CDK14: variants seen among roughly 807,000 people sequenced by gnomAD.
CDK14 encodes the protein cyclin dependent kinase 14.
Under a neutral mutation model 60.7 loss-of-function variants are expected in CDK14, and 34 were observed. That is an observed-to-expected ratio of 0.56 (90% CI 0.43 to 0.75). CDK14 has a LOEUF of 0.75. CDK14 is among the 30% of genes least tolerant of loss of function. The pLI is 0.00. For missense variants in CDK14, 482 were observed against 564.1 expected (o/e 0.85, Z 1.47); for synonymous variants, 197 against 203.7 (o/e 0.97, Z 0.28).
intron 8 of CDK14, among the ~76,000 whole-genome samples, chr7:90,920,046 G>C (rs1189755657): frequency 1.3e-5 from 2 of 152,190 alleles, no homozygotes; most frequent in African/African-American, 4.8e-5. Flanking sequence ...CAACTGACAA[G>C]TTCCCCCAAT....
chr7:91,044,131 C>T (rs1268146047), intron 10 of CDK14, among the ~76,000 whole-genome samples: 1 of 151,900 alleles, frequency 6.6e-6, no homozygotes, highest in Non-Finnish European at 1.5e-5. Context: ...AACATGTGCC[C>T]AAGGTTGTCA....
intron 2 of CDK14, among the ~76,000 whole-genome samples, chr7:90,620,316 C>T (rs1436242108): frequency 6.6e-6 from 1 of 152,048 alleles, no homozygotes; most frequent in African/African-American, 2.4e-5. Context: ...TTTGAGATTT[C>T]TTTTATTTTT....
intron 14 of CDK14, among the ~76,000 whole-genome samples, chr7:91,172,537 C>T (rs893041790): frequency 6.6e-6 from 1 of 152,202 alleles, no homozygotes; most frequent in Admixed American, 6.5e-5. Context: ...TCTAAGCAGT[C>T]ACTTCCTGAT....
In CDK14 at chr7:91,037,408, T is replaced by TGCATGTGTAGGTGTGCGCGC. The variant is rs544371265; in HGVS notation, c.1042-8480_1042-8479insGGTGTGCGCGCGCATGTGTA. 1.5e-3 allele frequency among the ~76,000 whole-genome samples: 228 copies of TGCATGTGTAGGTGTGCGCGC among 152,284 alleles called. 1 individual carries two copies. The highest frequency in any genetic ancestry group is 5.3e-3 in the African/African-American group (221 of 41,566). On this transcript the variant is annotated intron_variant, in intron 10 of 14. Transcript: ENST00000380050. ...TCTTATAGACATACACGTATGTATG[T>TGCATGTGTAGGTGTGCGCGC]GCATGTGTATGTGTGCGCGCGCATG...
At chr7:90,916,077 A>G (rs1229344694) in intron 7 of CDK14, among the ~76,000 whole-genome samples, 1 of 152,158 alleles carries the variant, frequency 6.6e-6, no homozygotes, top group African/African-American at 2.4e-5. Context: ...CGTTTTTTTA[A>G]AAGGCTTTGA....
chr7:90,882,262 C>CAAAAAAAA (rs142619671), intron 6 of CDK14, among the ~76,000 whole-genome samples: 4 of 116,592 alleles, frequency 3.4e-5, no homozygotes, highest in African/African-American at 9.9e-5. Flanking sequence ...AAATGGAAAG[C>CAAAAAAAA]AAAAAAAAAA....
At chr7:91,164,674 T>C (rs1340492445) in intron 14 of CDK14, among the ~76,000 whole-genome samples, 1 of 152,178 alleles carries the variant, frequency 6.6e-6, no homozygotes, top group East Asian at 1.9e-4. Context: ...GAAATACAAA[T>C]GGAAACTGTC....
intron 5 of CDK14, among the ~76,000 whole-genome samples, chr7:90,801,256 C>G (rs776499758): frequency 2.6e-5 from 4 of 152,204 alleles, no homozygotes; most frequent in Non-Finnish European, 5.9e-5. Flanking sequence ...TAACACTCTT[C>G]TTTGTTTTCT....
chr7:90,885,454 G>A (rs547482717), intron 6 of CDK14, among the ~76,000 whole-genome samples: 1 of 152,224 alleles, frequency 6.6e-6, no homozygotes, highest in East Asian at 1.9e-4. Context: ...CTGTGCAATA[G>A]GAATGCTTTT....
rs1799185742 is a variant in CDK14, at chr7:90,596,399, G to C, written c.-229G>C. ...GCGGCGGCGAGCGCGGCCGCCCCCG[G>C]CACCACGTAAACCGCCCCCGCCCGC... On this transcript the variant is annotated 5_prime_UTR_variant, in exon 1 of 15. Coordinates refer to ENST00000380050, the MANE Select transcript of CDK14 (RefSeq NM_001287135.2). The C allele has an allele frequency of 3.9e-6, 1 of 254,778 alleles. No individual in the cohort carries two copies. The highest frequency in any genetic ancestry group is 7.4e-6 in the Non-Finnish European group (1 of 135,082). 15.8% of individuals were successfully genotyped at this position (254,778 alleles called of 1,614,324 possible).
chr7:91,158,818 T>TG lies in CDK14; in HGVS notation c.*28+40611dup, dbSNP rs1440165419. ...AGATACAGTCAGGTCACAGGTGACATGTAATGCCCTGGCTGTCTAGAGGCA... is the reference window on the plus strand; with the variant it reads ...AGATACAGTCAGGTCACAGGTGACATGGTAATGCCCTGGCTGTCTAGAGGCA... On this transcript the variant is annotated intron_variant, in intron 14 of 14. Transcript: ENST00000380050. Among the ~76,000 whole-genome samples the TG allele has an allele frequency of 2.6e-5, 4 of 152,164 alleles. No individual in the cohort carries two copies. In the East Asian group the frequency reaches 7.7e-4, roughly 29 times the overall value.
At chr7:91,188,544 A>G (rs1802258931) in intron 14 of CDK14, among the ~76,000 whole-genome samples, 1 of 151,578 alleles carries the variant, frequency 6.6e-6, no homozygotes, top group Non-Finnish European at 1.5e-5. Flanking sequence ...ATATGTGTAG[A>G]TGGATGGATG....
intron 2 of CDK14, chr7:90,726,303 T>A: frequency 1.0e-6 from 1 of 984,228 alleles, no homozygotes. Flanking sequence ...CATGTTAGGG[T>A]ACTACTAGCA....
chr7:90,943,008 G>A (rs1055005033), intron 8 of CDK14, among the ~76,000 whole-genome samples: 2 of 152,038 alleles, frequency 1.3e-5, no homozygotes, highest in African/African-American at 4.8e-5. Context: ...GTCGAGTCTG[G>A]ACATACCTAT....
intron 11 of CDK14, among the ~76,000 whole-genome samples, chr7:91,065,629 A>G (rs7777505): frequency 0.024 from 3,631 of 152,304 alleles, 140 homozygotes; most frequent in African/African-American, 0.08. Context: ...TTCCTAACAG[A>G]TATAAGAAAG....
chr7:90,875,396 A>G (rs1349161774), intron 6 of CDK14, among the ~76,000 whole-genome samples: 1 of 152,172 alleles, frequency 6.6e-6, no homozygotes, highest in Non-Finnish European at 1.5e-5. Context: ...TGATCATCTT[A>G]TAACTCTATC....
intron 8 of CDK14, among the ~76,000 whole-genome samples, chr7:90,939,984 CGTA>C (rs1454804125): frequency 6.6e-6 from 1 of 152,124 alleles, no homozygotes; most frequent in Admixed American, 6.6e-5. Flanking sequence ...AGAACCAAAC[CGTA>C]GTGAAATAAG....
intron 10 of CDK14, among the ~76,000 whole-genome samples, chr7:91,034,570 T>G (rs145773977): frequency 7.9e-4 from 120 of 152,212 alleles, no homozygotes; most frequent in African/African-American, 2.8e-3. Flanking sequence ...GGAAACACCC[T>G]CTCCTTCAAT....
intron 4 of CDK14, among the ~76,000 whole-genome samples, chr7:90,778,194 A>G (rs143730607): frequency 0.031 from 4,754 of 152,240 alleles, 105 homozygotes; most frequent in South Asian, 0.1. Flanking sequence ...TTTTTCCCAA[A>G]CAGAACTCTT....
Sources: gnomAD v4.1 joint callset for allele counts (sites outside exome capture counted in the v4.1 genomes callset) on GRCh38, gnomAD v4.1.1 for gene constraint, MANE v1.5 for transcripts, NCBI Gene and HGNC (gene_info 2026-07-23, HGNC 2026-07-21) for gene names.